XYLB: variants seen among roughly 807,000 people sequenced by gnomAD.
XYLB encodes xylulokinase.
XYLB carries 62 observed loss-of-function variants against 78.7 expected under a neutral mutation model. The ratio of observed to expected loss-of-function variants is 0.79; its 90% CI spans 0.64 to 0.97. The LOEUF (loss-of-function observed/expected upper bound fraction) is 0.97. XYLB is among the 50% of genes least tolerant of loss of function. XYLB has a pLI of 0.00. For synonymous variants in XYLB, 245 were observed against 247.4 expected (o/e 0.99, Z 0.09); for missense variants, 687 against 676.8 (o/e 1.02, Z -0.17).
the XYLB span, among the ~76,000 whole-genome samples, chr3:38,441,326 G>A: frequency 6.6e-5 from 10 of 152,122 alleles, no homozygotes; most frequent in African/African-American, 7.2e-5. Flanking sequence ...CTAACTGATC[G>A]CTGGTCCCTG....
downstream of XYLB, among the ~76,000 whole-genome samples, chr3:38,425,706 T>A (rs1019901182): frequency 5.3e-5 from 8 of 152,182 alleles, no homozygotes; most frequent in South Asian, 2.1e-4. Context: ...GCGGCCAATT[T>A]GGATATCATC....
Position 38,413,315 on chromosome 3 carries a change from C to T in XYLB, c.*302C>T, listed in dbSNP as rs1386020835. 2 of 302,052 alleles carry T rather than the reference C, an allele frequency of 6.6e-6. No homozygotes were observed. Among genetic ancestry groups the T allele is most frequent in the Admixed American group, 5.2e-5 (1 of 19,228 alleles). 18.7% of individuals were successfully genotyped at this position (302,052 alleles called of 1,614,324 possible). A position where few individuals can be genotyped will look rare whatever the true frequency, so the allele number is the denominator to read the frequency against. On this transcript the variant is annotated 3_prime_UTR_variant, in exon 19 of 19. Transcript: ENST00000207870. The stretch of plus-strand genomic sequence containing the variant: ...TGTCCAATAAAAACTATGACTTTTC[C>T]CCTTGCAGAGGCAGAATTAAAGCTA...
intron 15 of XYLB, among the ~76,000 whole-genome samples, chr3:38,388,169 G>GTTTTTTTTTTTTT (rs71085320): frequency 1.4e-4 from 15 of 109,272 alleles, no homozygotes; most frequent in African/African-American, 4.2e-4. Context: ...GTTTTTTTTT[G>GTTTTTTTTTTTTT]TTTTTTTTTT....
intron 18 of XYLB, among the ~76,000 whole-genome samples, chr3:38,401,685 G>A (rs901418576): frequency 2.0e-5 from 3 of 152,164 alleles, no homozygotes; most frequent in African/African-American, 4.8e-5. Context: ...GCCACCCCAG[G>A]ATGGGGTGAG....
intron 6 of XYLB, 56 bp from the exon 7 acceptor site, chr3:38,366,752 T>A (rs1473445580): frequency 1.8e-5 from 22 of 1,190,450 alleles, no homozygotes; most frequent in Non-Finnish European, 2.6e-5. Context: ...TTTGTGGAGG[T>A]AATTGTTCAT....
chr3:38,442,472 T>C, the XYLB span, among the ~76,000 whole-genome samples: 2 of 152,158 alleles, frequency 1.3e-5, no homozygotes, highest in African/African-American at 4.8e-5. Context: ...ATGTGTGGTC[T>C]GTGGGATCCT....
At chr3:38,366,281 G>T (rs704944) in intron 6 of XYLB, among the ~76,000 whole-genome samples, 1 of 151,930 alleles carries the variant, frequency 6.6e-6, no homozygotes, top group African/African-American at 2.4e-5. Context: ...CAATATGTGG[G>T]TGGGGAAAAT....
downstream of XYLB, among the ~76,000 whole-genome samples, chr3:38,425,519 G>C (rs1709082676): frequency 6.6e-6 from 1 of 152,178 alleles, no homozygotes; most frequent in African/African-American, 2.4e-5. Flanking sequence ...TAAATTTTTT[G>C]AGCCTGCCTA....
chr3:38,394,999 A>G (rs1454877704), intron 15 of XYLB, among the ~76,000 whole-genome samples: 1 of 152,174 alleles, frequency 6.6e-6, no homozygotes, highest in Non-Finnish European at 1.5e-5. Flanking sequence ...GTCTTTTATC[A>G]TCTAGTCTTG....
chr3:38,421,206 A>C, downstream of XYLB: 1 of 152,422 alleles, frequency 6.6e-6, no homozygotes, highest in Non-Finnish European at 1.5e-5. Context: ...TGTCTTAATT[A>C]CTGTAGCGCC....
chr3:38,363,580 C>G (rs1359533696), intron 4 of XYLB, among the ~76,000 whole-genome samples: 8 of 152,196 alleles, frequency 5.3e-5, no homozygotes. Flanking sequence ...GGTTTGATCC[C>G]TGGCTCTGCC....
chr3:38,438,808 C>T, the XYLB span, among the ~76,000 whole-genome samples: 1 of 152,136 alleles, frequency 6.6e-6, no homozygotes, highest in Non-Finnish European at 1.5e-5. Flanking sequence ...GCTGATTGGT[C>T]CATTTTACAG....
At chr3:38,400,581 T>G (rs1258717393) in intron 17 of XYLB, among the ~76,000 whole-genome samples, 3 of 152,176 alleles carry the variant, frequency 2.0e-5, no homozygotes, top group Non-Finnish European at 4.4e-5. Context: ...ATGTCGAGGT[T>G]ACCCGACCTA....
chr3:38,421,714 G>A (rs1055496847), downstream of XYLB, among the ~76,000 whole-genome samples: 4 of 152,188 alleles, frequency 2.6e-5, no homozygotes, highest in African/African-American at 7.2e-5. Context: ...GGAAGAAGGA[G>A]AGTCTAACGA....
chr3:38,404,734 G>A (rs1035628155), intron 18 of XYLB, among the ~76,000 whole-genome samples: 5 of 152,194 alleles, frequency 3.3e-5, no homozygotes, highest in African/African-American at 4.8e-5. Flanking sequence ...GTTCAGGCAC[G>A]AGAATCACTT....
At chr3:38,367,487 G>A (rs1282511950) in intron 7 of XYLB, among the ~76,000 whole-genome samples, 1 of 152,206 alleles carries the variant, frequency 6.6e-6, no homozygotes, top group Admixed American at 6.5e-5. Context: ...TTAACATGTG[G>A]TTTATTATTT....
At chr3:38,438,140 G>A in the XYLB span, among the ~76,000 whole-genome samples, 2 of 152,156 alleles carry the variant, frequency 1.3e-5, no homozygotes, top group Non-Finnish European at 2.9e-5. Context: ...GAGGCAGAAG[G>A]ATTGCTTGAA....
chr3:38,430,496 T>G, the XYLB span, among the ~76,000 whole-genome samples: 1 of 152,246 alleles, frequency 6.6e-6, no homozygotes, highest in Non-Finnish European at 1.5e-5. Flanking sequence ...TTTCTCCCAT[T>G]CTGTAGGTTG....
At chr3:38,415,755 C>T (rs559159345), downstream of XYLB, among the ~76,000 whole-genome samples, 5 of 152,256 alleles carry the variant, frequency 3.3e-5, no homozygotes, top group Admixed American at 6.5e-5. Flanking sequence ...TCACTCCAGC[C>T]TGGGCAACAG....
Sources: allele counts gnomAD v4.1 joint callset (sites outside exome capture counted in the v4.1 genomes callset), GRCh38; gene constraint gnomAD v4.1.1; transcripts MANE v1.5; gene names NCBI Gene and HGNC (gene_info 2026-07-23, HGNC 2026-07-21).